B4GALT6: variants seen among roughly 807,000 people sequenced by gnomAD.
The protein encoded by B4GALT6 is UDP-Gal:beta-GlcNAc beta-1,4-galactosyltransferase 6.
B4GALT6 carries 14 observed loss-of-function variants against 46.3 expected under a neutral mutation model. The observed-to-expected ratio is 0.30, with a 90% CI of 0.20 to 0.47. B4GALT6 has a LOEUF of 0.47. B4GALT6 is among the 20% of genes least tolerant of loss of function. B4GALT6 has a pLI of 0.99. For synonymous variants in B4GALT6, 168 were observed against 162.0 expected (o/e 1.04, Z -0.28); for missense variants, 386 against 480.1 (o/e 0.80, Z 1.83).
At chr18:31,678,289 T>C (rs1164432132) in intron 1 of B4GALT6, among the ~76,000 whole-genome samples, 1 of 152,156 alleles carries the variant, frequency 6.6e-6, no homozygotes, top group Non-Finnish European at 1.5e-5. Context: ...TAAGGCCACT[T>C]ATTTCACTGA....
At chr18:31,682,753 G>A (rs2074494980) in intron 1 of B4GALT6, among the ~76,000 whole-genome samples, 4 of 152,088 alleles carry the variant, frequency 2.6e-5, no homozygotes, top group Admixed American at 2.6e-4. Context: ...ATCTTTCAAA[G>A]TTAAATTCCT....
chr18:31,676,946 C>T (rs2144731309), intron 1 of B4GALT6, among the ~76,000 whole-genome samples: 1 of 152,252 alleles, frequency 6.6e-6, no homozygotes, highest in East Asian at 1.9e-4. Context: ...ACATTTGTAA[C>T]AAGTAAAACA....
chr18:31,643,065 C>T (rs1051699251), intron 4 of B4GALT6, among the ~76,000 whole-genome samples: 10 of 152,060 alleles, frequency 6.6e-5, no homozygotes, highest in African/African-American at 2.2e-4. Context: ...TCCACTGTTC[C>T]AATATGAGAA....
At chr18:31,678,842 C>T (rs147482747) in intron 1 of B4GALT6, among the ~76,000 whole-genome samples, 93 of 152,332 alleles carry the variant, frequency 6.1e-4, no homozygotes, top group African/African-American at 2.1e-3. Flanking sequence ...AACGCAAGGG[C>T]TCTGAGGGTG....
chr18:31,704,467 G>T, the B4GALT6 span, among the ~76,000 whole-genome samples: 1 of 152,084 alleles, frequency 6.6e-6, no homozygotes, highest in Non-Finnish European at 1.5e-5. Context: ...GCCTCCCAAA[G>T]TGCTGGGATT....
chr18:31,625,451 G>C lies in B4GALT6; in HGVS notation c.*163C>G. On this transcript the variant is annotated 3_prime_UTR_variant, in exon 9 of 9. Coordinates refer to ENST00000306851, the MANE Select transcript of B4GALT6 (RefSeq NM_004775.5). ...CTCAGAGCAGGGAGGACGGGTGAGA[G>C]AAGGGTGACTGTATATAGTCCCACT... The C allele has an allele frequency of 1.5e-6, 1 of 668,828 alleles. No homozygotes were observed. Among genetic ancestry groups the C allele is most frequent in the South Asian group, 2.3e-5 (1 of 43,486 alleles). 41.4% of individuals were successfully genotyped at this position (668,828 alleles called of 1,614,324 possible). A position where few individuals can be genotyped will look rare whatever the true frequency, so the allele number is the denominator to read the frequency against.
At chr18:31,642,764 A>T (rs754587815) in intron 4 of B4GALT6, among the ~76,000 whole-genome samples, 1 of 152,206 alleles carries the variant, frequency 6.6e-6, no homozygotes, top group Non-Finnish European at 1.5e-5. Flanking sequence ...GGCTCACTGC[A>T]ACCTCTGCCT....
chr18:31,721,136 G>C, the B4GALT6 span, among the ~76,000 whole-genome samples: 3 of 148,092 alleles, frequency 2.0e-5, no homozygotes, highest in Admixed American at 6.7e-5. Flanking sequence ...ATGTGCATGA[G>C]AGTCCTTCAG....
chr18:31,679,478 G>C (rs1026054436), intron 1 of B4GALT6, among the ~76,000 whole-genome samples: 44 of 152,222 alleles, frequency 2.9e-4, no homozygotes, highest in Admixed American at 1.5e-3. Context: ...GAGTGAGAAG[G>C]AGGGTAGCAA....
rs1444077905 is a variant in B4GALT6 at position 31,647,751 on chromosome 18, A to G, written c.347-2272T>C. Among the ~76,000 whole-genome samples, 3 of 152,156 alleles carry G rather than the reference A, an allele frequency of 2.0e-5. No individual in the cohort carries two copies. The South Asian group carries it at 6.2e-4, about 32-fold the overall frequency. ...TGGTATTAGGGAGAAGATCCTGTAC[A>G]TAGGAAGGGAAGGGAAAAGGTCATG... On this transcript the variant is annotated intron_variant, in intron 3 of 8. Transcript: ENST00000306851.
chr18:31,670,747 A>C (rs1178116930), intron 1 of B4GALT6, among the ~76,000 whole-genome samples: 1 of 152,160 alleles, frequency 6.6e-6, no homozygotes, highest in Non-Finnish European at 1.5e-5. Context: ...AGTAGTATAA[A>C]ATGTAATGTC....
chr18:31,663,763 T>C (rs1301425156), intron 2 of B4GALT6, among the ~76,000 whole-genome samples: 1 of 152,256 alleles, frequency 6.6e-6, no homozygotes, highest in Non-Finnish European at 1.5e-5. Flanking sequence ...TATAAATAAC[T>C]ATTCATGTTT....
chr18:31,684,798 C>G (rs146459669), upstream of B4GALT6: 6,244 of 1,034,076 alleles, frequency 6.0e-3, 19 homozygotes, highest in Non-Finnish European at 6.9e-3. Context: ...GAGGCGCAGG[C>G]TGCGCGCCGC....
At chr18:31,701,631 T>C in the B4GALT6 span, among the ~76,000 whole-genome samples, 1 of 152,158 alleles carries the variant, frequency 6.6e-6, no homozygotes, top group Non-Finnish European at 1.5e-5. Flanking sequence ...GTTCAATGTT[T>C]TAAACGTAAA....
intron 2 of B4GALT6, among the ~76,000 whole-genome samples, chr18:31,659,498 G>C (rs137966538): frequency 7.1e-4 from 108 of 152,296 alleles, no homozygotes; most frequent in African/African-American, 2.5e-3. Context: ...GACGGGCAAA[G>C]GTTCCAGGCT....
rs545551350 is a variant in B4GALT6, at chr18:31,627,395, G to A, written c.777-274C>T. Among the ~76,000 whole-genome samples the A allele has an allele frequency of 5.3e-5, 8 of 151,996 alleles. No homozygotes were observed. The South Asian group carries it at 1.7e-3, about 32-fold the overall frequency. On this transcript the variant is annotated intron_variant, in intron 6 of 8. Coordinates refer to ENST00000306851, the MANE Select transcript of B4GALT6 (RefSeq NM_004775.5). Reference sequence around the variant, plus strand: ...TAAGACTCAAAATAAAATCTGTAAGGCTCAAAACCCAGTGCCCCCAAATTG... The same window carrying A: ...TAAGACTCAAAATAAAATCTGTAAGACTCAAAACCCAGTGCCCCCAAATTG...
the B4GALT6 span, among the ~76,000 whole-genome samples, chr18:31,714,860 A>G: frequency 2.6e-5 from 4 of 152,176 alleles, no homozygotes; most frequent in Non-Finnish European, 5.9e-5. Context: ...GCTCTATGGC[A>G]GGCCCTACTC....
the B4GALT6 span, among the ~76,000 whole-genome samples, chr18:31,694,778 C>G: frequency 6.6e-6 from 1 of 152,120 alleles, no homozygotes; most frequent in Non-Finnish European, 1.5e-5. Flanking sequence ...ACTTTACCAA[C>G]ATGAAATTTC....
chr18:31,658,974 T>C (rs1023611852), intron 2 of B4GALT6, among the ~76,000 whole-genome samples: 4 of 152,144 alleles, frequency 2.6e-5, no homozygotes, highest in African/African-American at 4.8e-5. Context: ...TTTCAGTCCC[T>C]TTCTGGAGCA....
Sources: gnomAD v4.1 joint callset for allele counts (sites outside exome capture counted in the v4.1 genomes callset) on GRCh38, gnomAD v4.1.1 for gene constraint, MANE v1.5 for transcripts, NCBI Gene and HGNC (gene_info 2026-07-23, HGNC 2026-07-21) for gene names.